GSG1L: variants seen among roughly 807,000 people sequenced by gnomAD.
The protein encoded by GSG1L is GSG1 like.
In GSG1L, 24 loss-of-function variants were observed where a neutral mutation model predicts 42.1. The ratio of observed to expected loss-of-function variants is 0.57; its 90% CI spans 0.41 to 0.80. The LOEUF (loss-of-function observed/expected upper bound fraction) is 0.80. GSG1L is among the 30% of genes least tolerant of loss of function. The probability of loss-of-function intolerance (pLI) is 0.00; values close to 1 mark genes in which losing one functional copy is unlikely to be tolerated. For synonymous variants in GSG1L, 215 were observed against 203.5 expected (o/e 1.06, Z -0.48); for missense variants, 445 against 472.2 (o/e 0.94, Z 0.53).
At chr16:27,823,685 C>G (rs1258206939) in intron 5 of GSG1L, among the ~76,000 whole-genome samples, 1 of 152,168 alleles carries the variant, frequency 6.6e-6, no homozygotes, top group Non-Finnish European at 1.5e-5. Flanking sequence ...CGGTCTGTCT[C>G]TCACCTCACC....
chr16:27,794,925 C>G (rs2082801556), intron 6 of GSG1L, among the ~76,000 whole-genome samples: 1 of 151,980 alleles, frequency 6.6e-6, no homozygotes, highest in Non-Finnish European at 1.5e-5. Flanking sequence ...ATTCCATAGC[C>G]CTGTAGAATG....
At chr16:27,841,125 AC>A (rs1226541742) in intron 4 of GSG1L, among the ~76,000 whole-genome samples, 1 of 152,074 alleles carries the variant, frequency 6.6e-6, no homozygotes, top group African/African-American at 2.4e-5. Flanking sequence ...AATTCAAGAG[AC>A]CCCCATGAGG....
At chr16:27,994,457 C>T (rs140376730) in intron 1 of GSG1L, among the ~76,000 whole-genome samples, 28 of 152,318 alleles carry the variant, frequency 1.8e-4, no homozygotes, top group South Asian at 6.2e-4. Context: ...CTAACTCTTG[C>T]TGATAATACT....
At chr16:28,006,234 A>T (rs534372495) in intron 1 of GSG1L, among the ~76,000 whole-genome samples, 3 of 152,190 alleles carry the variant, frequency 2.0e-5, no homozygotes, top group Non-Finnish European at 4.4e-5. Context: ...GAATAAGCAA[A>T]AAATGCATTC....
chr16:27,972,664 A>C (rs1008863675), intron 1 of GSG1L, among the ~76,000 whole-genome samples: 1 of 152,148 alleles, frequency 6.6e-6, no homozygotes, highest in African/African-American at 2.4e-5. Flanking sequence ...TGAACCATGG[A>C]ACTTGAAAGC....
chr16:27,986,156 G>C (rs1368439524), intron 1 of GSG1L, among the ~76,000 whole-genome samples: 1 of 152,180 alleles, frequency 6.6e-6, no homozygotes, highest in Non-Finnish European at 1.5e-5. Context: ...TTTACAACGA[G>C]AGTTATTGCC....
chr16:27,992,018 A>G (rs944359796), intron 1 of GSG1L, among the ~76,000 whole-genome samples: 2 of 152,216 alleles, frequency 1.3e-5, no homozygotes, highest in Non-Finnish European at 2.9e-5. Context: ...GAGCGACGCC[A>G]TCTGGAAGTG....
chr16:27,905,412 G>A (rs1257652437), intron 2 of GSG1L, among the ~76,000 whole-genome samples: 3 of 151,410 alleles, frequency 2.0e-5, no homozygotes, highest in Non-Finnish European at 4.4e-5. Flanking sequence ...GCACCTCCTG[G>A]GCTCAAGTGA....
chr16:27,945,064 G>C (rs2084846834), intron 2 of GSG1L, among the ~76,000 whole-genome samples: 1 of 137,130 alleles, frequency 7.3e-6, no homozygotes, highest in African/African-American at 2.9e-5. Flanking sequence ...GTGACAGAGG[G>C]AGACCCTGTC....
intron 1 of GSG1L, among the ~76,000 whole-genome samples, chr16:27,993,886 A>G (rs1163686168): frequency 6.6e-6 from 1 of 152,208 alleles, no homozygotes; most frequent in Non-Finnish European, 1.5e-5. Context: ...AACTCAAGCT[A>G]AGGGCTCACA....
intron 1 of GSG1L, among the ~76,000 whole-genome samples, chr16:28,056,172 C>A (rs756335307): frequency 5.9e-5 from 9 of 152,042 alleles, no homozygotes; most frequent in Non-Finnish European, 1.3e-4. Flanking sequence ...CATGCACAGG[C>A]GTGTTTATTG....
chr16:27,898,987 G>A (rs533567714), intron 2 of GSG1L, among the ~76,000 whole-genome samples: 3 of 152,298 alleles, frequency 2.0e-5, no homozygotes, highest in African/African-American at 7.2e-5. Flanking sequence ...CACAAAGGCT[G>A]AGGGCTACAG....
At chr16:28,039,608 C>CAT (rs1326297551) in intron 1 of GSG1L, among the ~76,000 whole-genome samples, 1 of 151,826 alleles carries the variant, frequency 6.6e-6, no homozygotes, top group Non-Finnish European at 1.5e-5. Context: ...CACTTGCACA[C>CAT]ACACACACAA....
At chr16:28,028,577 C>G (rs1446486005) in intron 1 of GSG1L, among the ~76,000 whole-genome samples, 1 of 152,046 alleles carries the variant, frequency 6.6e-6, no homozygotes, top group East Asian at 1.9e-4. Context: ...CTGGGCAGTT[C>G]TGCTTCAGAG....
At chr16:27,864,824 C>T (rs1285361150) in intron 3 of GSG1L, among the ~76,000 whole-genome samples, 2 of 152,222 alleles carry the variant, frequency 1.3e-5, no homozygotes, top group African/African-American at 4.8e-5. Flanking sequence ...GCCCTCTCTG[C>T]TGGCTGCATT....
intron 1 of GSG1L, among the ~76,000 whole-genome samples, chr16:27,971,361 C>A (rs2085191725): frequency 6.6e-6 from 1 of 152,040 alleles, no homozygotes; most frequent in African/African-American, 2.4e-5. Context: ...AGGTTTCATG[C>A]TTATTTTGTT....
intron 1 of GSG1L, among the ~76,000 whole-genome samples, chr16:27,995,023 C>T (rs2085500152): frequency 6.6e-6 from 1 of 152,170 alleles, no homozygotes; most frequent in Admixed American, 6.5e-5. Context: ...CAAAGTTTCC[C>T]CCTCCAAATT....
chr16:28,018,339 CTG>C, intron 1 of GSG1L, among the ~76,000 whole-genome samples: 1 of 152,230 alleles, frequency 6.6e-6, no homozygotes, highest in Non-Finnish European at 1.5e-5. Flanking sequence ...CTGCAATTCT[CTG>C]AGACTTCTCC....
At chr16:28,022,479 AT>A (rs11318488) in intron 1 of GSG1L, among the ~76,000 whole-genome samples, 257 of 141,684 alleles carry the variant, frequency 1.8e-3, no homozygotes, top group Admixed American at 1.6e-3. Context: ...CAACCAGCTA[AT>A]TTTTTTTTTT....
Sources: gnomAD v4.1 joint callset for allele counts (sites outside exome capture counted in the v4.1 genomes callset) on GRCh38, gnomAD v4.1.1 for gene constraint, MANE v1.5 for transcripts, NCBI Gene and HGNC (gene_info 2026-07-23, HGNC 2026-07-21) for gene names.